The following PEX5L variants were observed in gnomAD, a reference collection of about 807,000 sequenced individuals.
The protein encoded by PEX5L is PEX5-related protein.
In PEX5L, 30 loss-of-function variants were observed where a neutral mutation model predicts 84.0. The ratio of observed to expected loss-of-function variants is 0.36; its 90% CI spans 0.27 to 0.48. The LOEUF is 0.48. PEX5L is among the 20% of genes least tolerant of loss of function. The pLI is 0.99. For missense variants in PEX5L, 533 were observed against 754.6 expected, an observed-to-expected ratio of 0.71 and a Z score of 3.44; for synonymous variants, 270 against 283.1, an observed-to-expected ratio of 0.95 and a Z score of 0.46.
chr3:180,032,189 T>C (rs961845878), intron 1 of PEX5L, among the ~76,000 whole-genome samples: 1 of 152,216 alleles, frequency 6.6e-6, no homozygotes, highest in Non-Finnish European at 1.5e-5. Context: ...GGAGCTTGTG[T>C]CATAATTTTG....
chr3:179,956,542 G>A (rs1233241609), intron 2 of PEX5L, among the ~76,000 whole-genome samples: 1 of 152,024 alleles, frequency 6.6e-6, no homozygotes, highest in Non-Finnish European at 1.5e-5. Flanking sequence ...ATATATCTGT[G>A]TCCTCAATGA....
chr3:179,971,698 G>C, intron 1 of PEX5L, 33 bp from the exon 2 acceptor site: 1 of 1,547,008 alleles, frequency 6.5e-7, no homozygotes, highest in Non-Finnish European at 8.8e-7. Flanking sequence ...TGATCATTTA[G>C]TTTCTATCCA....
chr3:179,929,817 GT>G (rs1055869272), intron 2 of PEX5L, among the ~76,000 whole-genome samples: 5 of 152,078 alleles, frequency 3.3e-5, no homozygotes, highest in Non-Finnish European at 1.5e-5. Flanking sequence ...CCCCACCCAC[GT>G]TTTTTAAATC....
Position 179,807,746 on chromosome 3 carries a change from A to G in PEX5L, c.1604T>C (p.Leu535Pro), listed in dbSNP as rs1358032423. The G allele has an allele frequency of 1.9e-6, 3 of 1,614,036 alleles. No individual in the cohort carries two copies. Among genetic ancestry groups the G allele is most frequent in the African/African-American group, 1.3e-5 (1 of 74,934 alleles). ...EEAVEAYTRALEIQPGFIRSR... is the reference protein window; with the variant it reads ...EEAVEAYTRAPEIQPGFIRSR... ...CCGGATGAATCCTGGCTGAATCTCCAGTGCTCGCGTATAGGCCTCCACGGC... is the reference window on the plus strand; with the variant it reads ...CCGGATGAATCCTGGCTGAATCTCCGGTGCTCGCGTATAGGCCTCCACGGC... The change falls in exon 14 of 15, where the codon CTG (leucine) becomes CCG (proline). Residue 535 changes from leucine (L) to proline (P), a missense_variant. Coordinates refer to ENST00000467460, the MANE Select transcript of PEX5L (RefSeq NM_016559.3).
At chr3:179,986,560 G>A (rs1224662169) in intron 1 of PEX5L, among the ~76,000 whole-genome samples, 1 of 151,866 alleles carries the variant, frequency 6.6e-6, no homozygotes, top group Non-Finnish European at 1.5e-5. Flanking sequence ...CCGCCACCAC[G>A]CCCGGCTAAT....
intron 8 of PEX5L, among the ~76,000 whole-genome samples, chr3:179,853,908 C>A (rs1270095310): frequency 6.6e-6 from 1 of 151,096 alleles, no homozygotes; most frequent in Non-Finnish European, 1.5e-5. Context: ...ACATCCTGGG[C>A]TCAAGCGATC....
chr3:180,014,507 G>C (rs1789770221), intron 1 of PEX5L, among the ~76,000 whole-genome samples: 1 of 151,790 alleles, frequency 6.6e-6, no homozygotes. Context: ...AAACTCCCAG[G>C]TTACAGGAAA....
chr3:179,924,925 A>C (rs1401355115), intron 2 of PEX5L, among the ~76,000 whole-genome samples: 4 of 152,228 alleles, frequency 2.6e-5, no homozygotes, highest in Non-Finnish European at 5.9e-5. Flanking sequence ...GAAAGCAATC[A>C]AACAAATATA....
At chr3:180,032,997 G>A (rs535974304) in intron 1 of PEX5L, among the ~76,000 whole-genome samples, 42 of 152,280 alleles carry the variant, frequency 2.8e-4, no homozygotes, top group Non-Finnish European at 4.1e-4. Context: ...TGAAAACAAC[G>A]TTCTACAGTC....
At chr3:179,940,494 C>G (rs576262711) in intron 2 of PEX5L, among the ~76,000 whole-genome samples, 21 of 152,204 alleles carry the variant, frequency 1.4e-4, no homozygotes, top group Admixed American at 5.9e-4. Flanking sequence ...TTAGTTGCCA[C>G]TATCAGGAAA....
At chr3:180,012,082 C>T (rs926863607) in intron 1 of PEX5L, among the ~76,000 whole-genome samples, 2 of 152,142 alleles carry the variant, frequency 1.3e-5, no homozygotes, top group Admixed American at 1.3e-4. Context: ...AAACGTGTGG[C>T]CTAAAATAAC....
chr3:179,816,914 C>T (rs1560211371), intron 9 of PEX5L, among the ~76,000 whole-genome samples: 1 of 152,008 alleles, frequency 6.6e-6, no homozygotes, highest in African/African-American at 2.4e-5. Context: ...GATACGACCA[C>T]TAATATTTTT....
intron 1 of PEX5L, chr3:179,974,188 C>T (rs73883446): frequency 0.14 from 139,979 of 984,756 alleles, 12,664 homozygotes; most frequent in African/African-American, 0.42. Context: ...ACAGCTTCTG[C>T]GTGGTCTTTC....
chr3:179,874,337 G>T lies in PEX5L; in HGVS notation c.716C>A (p.Ala239Asp). ...AATCAGTTTTGTTACCTGAGTCGGAGCCACTAATTCCAATTCTGAAGCCGA... is the reference window on the plus strand; with the variant it reads ...AATCAGTTTTGTTACCTGAGTCGGATCCACTAATTCCAATTCTGAAGCCGA... The part of the protein sequence containing the change: ...SESASELELV[A>D]PTQARLTKEH... Residue 239 changes from alanine (A) to aspartate (D), a missense_variant, in exon 7 of 15, where the codon GCT (alanine) becomes GAT (aspartate). Transcript: ENST00000467460. 1 of 1,598,996 alleles carries T rather than the reference G, an allele frequency of 6.3e-7. No individual in the cohort carries two copies. The highest frequency in any genetic ancestry group is 8.6e-7 in the Non-Finnish European group (1 of 1,166,766).
rs1223540150 is a variant in PEX5L, at chr3:179,796,308, A to T, written c.*5520T>A. The T allele has an allele frequency of 6.6e-6, 1 of 152,128 alleles. No homozygotes were observed. Among genetic ancestry groups the T allele is most frequent in the African/African-American group, 2.4e-5 (1 of 41,402 alleles). The allele number at this position is 152,128 out of a possible 1,614,324, so 9.4% of individuals were successfully genotyped here. ...TTCTATTAAGTATCCCACGGAGCTCATCAGGGTTTTGCTCTGACATTCTGC... is the reference window on the plus strand; with the variant it reads ...TTCTATTAAGTATCCCACGGAGCTCTTCAGGGTTTTGCTCTGACATTCTGC... On this transcript the variant is annotated 3_prime_UTR_variant, in exon 15 of 15. Coordinates refer to ENST00000467460, the MANE Select transcript of PEX5L (RefSeq NM_016559.3).
At chr3:179,933,786 G>A (rs1252178793) in intron 2 of PEX5L, among the ~76,000 whole-genome samples, 1 of 152,218 alleles carries the variant, frequency 6.6e-6, no homozygotes. Flanking sequence ...CACCTGAAGA[G>A]CCTCACCCTC....
intron 1 of PEX5L, among the ~76,000 whole-genome samples, chr3:179,992,199 G>C (rs1246742063): frequency 6.6e-6 from 1 of 152,144 alleles, no homozygotes; most frequent in Non-Finnish European, 1.5e-5. Flanking sequence ...CAGCCTCATA[G>C]AAGTGTCCAA....
chr3:179,889,102 T>C (rs1031931867), intron 3 of PEX5L, among the ~76,000 whole-genome samples: 1 of 152,118 alleles, frequency 6.6e-6, no homozygotes, highest in Non-Finnish European at 1.5e-5. Flanking sequence ...TAAGAACTTA[T>C]TTGTTAAGTT....
chr3:179,980,916 C>T (rs1382109511), intron 1 of PEX5L, among the ~76,000 whole-genome samples: 1 of 151,684 alleles, frequency 6.6e-6, no homozygotes, highest in African/African-American at 2.4e-5. Context: ...CCCAGCTACT[C>T]AGGAGGCTGA....
Sources: allele counts gnomAD v4.1 joint callset (sites outside exome capture counted in the v4.1 genomes callset), GRCh38; gene constraint gnomAD v4.1.1; transcripts MANE v1.5; gene names NCBI Gene and HGNC (gene_info 2026-07-23, HGNC 2026-07-21).